Variants in GABPB1 observed in about 807,000 individuals in gnomAD.
GABPB1 encodes the protein GA-binding protein subunit beta-1.
Under a neutral mutation model 45.9 loss-of-function variants are expected in GABPB1, and 15 were observed. That is an observed-to-expected ratio of 0.33 (90% CI 0.22 to 0.50). The LOEUF is 0.50. Among genes scored for constraint, GABPB1 ranks in the 20% least tolerant of loss-of-function variants. The pLI is 0.98. For missense variants in GABPB1, 252 were observed against 457.5 expected (o/e 0.55, Z 4.10); for synonymous variants, 143 against 154.4 (o/e 0.93, Z 0.55).
intron 1 of GABPB1, among the ~76,000 whole-genome samples, chr15:50,347,228 T>G (rs2048623676): frequency 6.6e-6 from 1 of 152,042 alleles, no homozygotes; most frequent in Admixed American, 6.6e-5. Context: ...AGACACAAGC[T>G]TTTAGACCAT....
chr15:50,344,803 A>C (rs1408053050), intron 1 of GABPB1, among the ~76,000 whole-genome samples: 1 of 152,184 alleles, frequency 6.6e-6, no homozygotes, highest in African/African-American at 2.4e-5. Context: ...GCGCCATTGC[A>C]CTCCAGCTTG....
At chr15:50,298,898 G>T (rs1184022664) in intron 6 of GABPB1, among the ~76,000 whole-genome samples, 2 of 147,290 alleles carry the variant, frequency 1.4e-5, no homozygotes, top group African/African-American at 5.1e-5. Flanking sequence ...GCTGCAGTGA[G>T]CCAAAACTGT....
At position 50,275,850 on chromosome 15, in the gene GABPB1, ACTT is replaced by A. The variant is rs771361554; in HGVS notation, c.*2779_*2781del. ...GAGAAGCACAGTCCCTGCAGATACT[ACTT>A]CTCAGATGAGGCTTTCTGAAAGCAT... On this transcript the variant is annotated 3_prime_UTR_variant, in exon 9 of 9. Coordinates refer to ENST00000380877, the MANE Select transcript of GABPB1 (RefSeq NM_016654.5). 9.2e-5 allele frequency: 14 copies of A among 152,252 alleles called. No homozygotes were observed. The highest frequency in any genetic ancestry group is 2.1e-4 in the Non-Finnish European group (14 of 68,042). 9.4% of individuals were successfully genotyped at this position (152,252 alleles called of 1,614,324 possible).
At position 50,277,131 on chromosome 15, in the gene GABPB1, T is replaced by A. The variant is rs1184083084; in HGVS notation, c.*1501A>T. 1 of 152,154 alleles carries A rather than the reference T, an allele frequency of 6.6e-6. No individual in the cohort carries two copies. The highest frequency in any genetic ancestry group is 6.5e-5 in the Admixed American group (1 of 15,276). 9.4% of individuals were successfully genotyped at this position (152,154 alleles called of 1,614,324 possible). ...AGTTAACAAATTCTCAAGAGTTACCTCAGGAATTTTAAAGTCATGTTGTGG... is the reference window on the plus strand; with the variant it reads ...AGTTAACAAATTCTCAAGAGTTACCACAGGAATTTTAAAGTCATGTTGTGG... On this transcript the variant is annotated 3_prime_UTR_variant, in exon 9 of 9. Transcript: ENST00000380877.
At chr15:50,321,227 T>A (rs922670490) in intron 1 of GABPB1, among the ~76,000 whole-genome samples, 1 of 152,206 alleles carries the variant, frequency 6.6e-6, no homozygotes, top group African/African-American at 2.4e-5. Context: ...ACATTTTAGT[T>A]GTAATTAGAC....
intron 6 of GABPB1, among the ~76,000 whole-genome samples, chr15:50,294,709 C>T (rs552829527): frequency 2.6e-5 from 4 of 151,984 alleles, no homozygotes; most frequent in African/African-American, 9.7e-5. Flanking sequence ...TGATATAGAC[C>T]AAAAAACAAT....
intron 1 of GABPB1, among the ~76,000 whole-genome samples, chr15:50,323,786 C>T (rs539104961): frequency 6.6e-6 from 1 of 152,248 alleles, no homozygotes; most frequent in Admixed American, 6.5e-5. Flanking sequence ...GCGGGAGGAT[C>T]GCTTAAGCCC....
chr15:50,294,311 C>G (rs982214653), intron 6 of GABPB1, among the ~76,000 whole-genome samples: 2 of 152,104 alleles, frequency 1.3e-5, no homozygotes, highest in Non-Finnish European at 2.9e-5. Flanking sequence ...GTCAAGAGAT[C>G]GAGACCATCC....
chr15:50,315,674 G>C (rs572627790), intron 1 of GABPB1, among the ~76,000 whole-genome samples: 27 of 152,308 alleles, frequency 1.8e-4, no homozygotes, highest in African/African-American at 6.3e-4. Context: ...CACACTCATC[G>C]TAGTTTTTGA....
At chr15:50,345,751 G>C (rs183246371) in intron 1 of GABPB1, among the ~76,000 whole-genome samples, 1 of 151,052 alleles carries the variant, frequency 6.6e-6, no homozygotes, top group East Asian at 1.9e-4. Flanking sequence ...TCGCTCTGTC[G>C]CCTAGTCTGG....
intron 1 of GABPB1, among the ~76,000 whole-genome samples, chr15:50,346,849 G>A (rs1357858464): frequency 2.0e-5 from 3 of 149,404 alleles, no homozygotes; most frequent in Non-Finnish European, 4.4e-5. Flanking sequence ...GTGCAGTGGC[G>A]CCATCTCGGC....
intron 1 of GABPB1, chr15:50,354,622 G>A (rs754798936): frequency 6.8e-6 from 3 of 441,242 alleles, no homozygotes; most frequent in South Asian, 3.2e-5. Context: ...CCGCTGCCTC[G>A]GCGCGACCCC....
rs574523883 is a variant in GABPB1, at chr15:50,307,101, A to C, written c.108+2590T>G. On this transcript the variant is annotated intron_variant, in intron 2 of 8. Transcript: ENST00000380877. ...GTCTTAGAAGCCCAACTGCTACATC[A>C]TATACTATGCACATCTCCAAATTTA... 1.7e-3 allele frequency among the ~76,000 whole-genome samples: 262 copies of C among 152,230 alleles called. 2 individuals carry two copies. The highest frequency in any genetic ancestry group is 1.2e-4 in the Non-Finnish European group (8 of 68,010).
intron 1 of GABPB1, among the ~76,000 whole-genome samples, chr15:50,340,867 T>A (rs2048334212): frequency 1.1e-5 from 1 of 89,368 alleles, no homozygotes; most frequent in Non-Finnish European, 2.2e-5. Flanking sequence ...ACATATGGTT[T>A]ATTACCATAT....
intron 2 of GABPB1, 121 bp from the exon 3 acceptor site, chr15:50,304,254 A>G: frequency 1.5e-6 from 1 of 662,926 alleles, no homozygotes. Context: ...CTCAAAAGAA[A>G]TGCCTAGATT....
chr15:50,302,037 A>AG (rs1170741165), intron 4 of GABPB1, among the ~76,000 whole-genome samples: 1 of 152,214 alleles, frequency 6.6e-6, no homozygotes, highest in East Asian at 1.9e-4. Flanking sequence ...GTCTTAGAAA[A>AG]GAAGAGTTCT....
intron 1 of GABPB1, among the ~76,000 whole-genome samples, chr15:50,316,247 T>A (rs1158726535): frequency 3.9e-5 from 6 of 152,220 alleles, no homozygotes; most frequent in Non-Finnish European, 5.9e-5. Context: ...AAGATGGCCA[T>A]CTAGTGGTAA....
intron 2 of GABPB1, among the ~76,000 whole-genome samples, chr15:50,304,936 AG>A (rs1366149909): frequency 6.6e-6 from 1 of 152,194 alleles, no homozygotes; most frequent in Admixed American, 6.5e-5. Flanking sequence ...ATCTTTTTAA[AG>A]GGATTTTTTT....
chr15:50,287,833 T>C (rs775196897), intron 7 of GABPB1, among the ~76,000 whole-genome samples: 6 of 152,248 alleles, frequency 3.9e-5, no homozygotes, highest in Middle Eastern at 3.2e-3. Flanking sequence ...GCAGAAGATT[T>C]CAGCAGAGTG....
Sources: allele counts gnomAD v4.1 joint callset (sites outside exome capture counted in the v4.1 genomes callset), GRCh38; gene constraint gnomAD v4.1.1; transcripts MANE v1.5; gene names NCBI Gene and HGNC (gene_info 2026-07-23, HGNC 2026-07-21).